SLC24A2: variants seen among roughly 807,000 people sequenced by gnomAD.
SLC24A2 encodes solute carrier family 24 member 2, also known as sodium/potassium/calcium exchanger 2.
Under a neutral mutation model 62.0 loss-of-function variants are expected in SLC24A2, and 36 were observed. The ratio of observed to expected loss-of-function variants is 0.58; its 90% CI spans 0.44 to 0.77. SLC24A2 has a LOEUF of 0.77. Among genes scored for constraint, SLC24A2 ranks in the 30% least tolerant of loss-of-function variants. The pLI is 0.00. For missense variants in SLC24A2, 846 were observed against 817.9 expected, an observed-to-expected ratio of 1.03 and a Z score of -0.42; for synonymous variants, 358 against 294.0, an observed-to-expected ratio of 1.22 and a Z score of -2.23.
chr9:19,691,432 G>C (rs1464715732), intron 2 of SLC24A2, among the ~76,000 whole-genome samples: 2 of 152,130 alleles, frequency 1.3e-5, no homozygotes, highest in African/African-American at 2.4e-5. Flanking sequence ...TCAATCTTTG[G>C]AAAAGCAGGG....
At chr9:20,091,924 A>G in the SLC24A2 span, among the ~76,000 whole-genome samples, 1 of 152,224 alleles carries the variant, frequency 6.6e-6, no homozygotes, top group South Asian at 2.1e-4. Flanking sequence ...AAAAATAATG[A>G]GGTCATGTCC....
chr9:19,655,517 C>A (rs1250916321), intron 2 of SLC24A2, among the ~76,000 whole-genome samples: 1 of 152,186 alleles, frequency 6.6e-6, no homozygotes, highest in Non-Finnish European at 1.5e-5. Context: ...GTAATGAGGA[C>A]TCTTTGGAAA....
the SLC24A2 span, among the ~76,000 whole-genome samples, chr9:20,007,337 C>T: frequency 6.6e-6 from 1 of 152,114 alleles, no homozygotes; most frequent in South Asian, 2.1e-4. Flanking sequence ...GATTCTGCAC[C>T]TGAGTCCTAC....
chr9:19,582,361 A>G (rs1043061202), intron 5 of SLC24A2, among the ~76,000 whole-genome samples: 1 of 152,174 alleles, frequency 6.6e-6, no homozygotes, highest in Non-Finnish European at 1.5e-5. Flanking sequence ...CACCAAGTCT[A>G]TAATAGGCAG....
chr9:20,131,186 C>G, the SLC24A2 span, among the ~76,000 whole-genome samples: 1 of 152,104 alleles, frequency 6.6e-6, no homozygotes, highest in Non-Finnish European at 1.5e-5. Flanking sequence ...AGAGCAAAGA[C>G]TCTTAGCCCT....
intron 2 of SLC24A2, among the ~76,000 whole-genome samples, chr9:19,774,285 G>A (rs1048298437): frequency 6.6e-6 from 1 of 152,110 alleles, no homozygotes; most frequent in Non-Finnish European, 1.5e-5. Context: ...TGAGGAAAAT[G>A]CTATTACTTT....
At chr9:20,282,398 A>C in the SLC24A2 span, among the ~76,000 whole-genome samples, 1 of 152,204 alleles carries the variant, frequency 6.6e-6, no homozygotes, top group Non-Finnish European at 1.5e-5. Context: ...TCCAATATTT[A>C]TACATACATA....
chr9:20,304,474 A>G, the SLC24A2 span, among the ~76,000 whole-genome samples: 1 of 152,236 alleles, frequency 6.6e-6, no homozygotes, highest in Non-Finnish European at 1.5e-5. Flanking sequence ...TGTTTAAAAA[A>G]AGACTTTTAA....
chr9:19,595,856 C>T lies in SLC24A2; in HGVS notation c.1129+1373G>A, dbSNP rs80337722. ...TGCTAACAAACTCCCCCTCCTAAGC[C>T]AAGAATAAAATAATAACTGGGACAG... On this transcript the variant is annotated intron_variant, in intron 5 of 10. Coordinates refer to ENST00000341998, the MANE Select transcript of SLC24A2 (RefSeq NM_020344.4). Among the ~76,000 whole-genome samples the T allele has an allele frequency of 2.3e-3, 346 of 152,180 alleles. 1 individual carries two copies. The highest frequency in any genetic ancestry group is 3.8e-3 in the Non-Finnish European group (256 of 67,972).
chr9:19,891,727 C>A, the SLC24A2 span, among the ~76,000 whole-genome samples: 1 of 152,044 alleles, frequency 6.6e-6, no homozygotes, highest in African/African-American at 2.4e-5. Context: ...TCCTGGGTGA[C>A]AGAGCGAGAT....
At chr9:19,555,036 C>T (rs976601460) in intron 7 of SLC24A2, among the ~76,000 whole-genome samples, 10 of 152,130 alleles carry the variant, frequency 6.6e-5, no homozygotes, top group African/African-American at 1.9e-4. Context: ...CATGTTAACA[C>T]TAGACTAGGT....
At chr9:19,740,598 A>C (rs939283304) in intron 2 of SLC24A2, among the ~76,000 whole-genome samples, 11 of 152,214 alleles carry the variant, frequency 7.2e-5, no homozygotes, top group Non-Finnish European at 1.3e-4. Flanking sequence ...GGTGTCTGTA[A>C]TTTCTATTTC....
the SLC24A2 span, among the ~76,000 whole-genome samples, chr9:19,956,374 C>A: frequency 6.6e-6 from 1 of 152,190 alleles, no homozygotes; most frequent in Admixed American, 6.5e-5. Context: ...ATATTTGTGT[C>A]CCCCTGACAT....
At chr9:20,224,836 G>T in the SLC24A2 span, among the ~76,000 whole-genome samples, 1 of 152,094 alleles carries the variant, frequency 6.6e-6, no homozygotes, top group Admixed American at 6.6e-5. Context: ...TGTATTAGCT[G>T]CTAACTGCTC....
intron 4 of SLC24A2, among the ~76,000 whole-genome samples, chr9:19,615,777 C>A (rs1817752164): frequency 6.6e-6 from 1 of 152,154 alleles, no homozygotes; most frequent in African/African-American, 2.4e-5. Flanking sequence ...TAGCACAGCT[C>A]CACAAGGGCC....
At chr9:20,249,476 C>T in the SLC24A2 span, among the ~76,000 whole-genome samples, 1 of 151,958 alleles carries the variant, frequency 6.6e-6, no homozygotes, top group Non-Finnish European at 1.5e-5. Context: ...GAGACCAAGG[C>T]GGGTGGATCA....
At chr9:20,276,130 T>G in the SLC24A2 span, among the ~76,000 whole-genome samples, 3 of 152,186 alleles carry the variant, frequency 2.0e-5, no homozygotes, top group African/African-American at 7.2e-5. Flanking sequence ...CCCAAAGTCT[T>G]AACTCATTTC....
intron 5 of SLC24A2, among the ~76,000 whole-genome samples, chr9:19,578,611 T>G (rs1836106351): frequency 6.6e-6 from 1 of 152,108 alleles, no homozygotes; most frequent in Admixed American, 6.5e-5. Flanking sequence ...GATCTCATTC[T>G]ACTTTTTTAT....
the SLC24A2 span, among the ~76,000 whole-genome samples, chr9:19,860,590 C>A: frequency 6.6e-6 from 1 of 152,110 alleles, no homozygotes; most frequent in African/African-American, 2.4e-5. Flanking sequence ...CTTTATCTTG[C>A]ACCTTAGGAA....
Sources: allele counts gnomAD v4.1 joint callset (sites outside exome capture counted in the v4.1 genomes callset), GRCh38; gene constraint gnomAD v4.1.1; transcripts MANE v1.5; gene names NCBI Gene and HGNC (gene_info 2026-07-23, HGNC 2026-07-21).